The following TAF13 variants were observed in gnomAD, a reference collection of about 807,000 sequenced individuals.
TAF13 encodes the protein transcription initiation factor TFIID subunit 13.
TAF13 carries 9 observed loss-of-function variants against 18.7 expected under a neutral mutation model. The ratio of observed to expected loss-of-function variants is 0.48; its 90% CI spans 0.29 to 0.84. The LOEUF (loss-of-function observed/expected upper bound fraction) is 0.84, where lower values mean the gene tolerates loss of function less well. TAF13 is among the 40% of genes least tolerant of loss of function. The probability of loss-of-function intolerance (pLI) is 0.08; values close to 1 mark genes in which losing one functional copy is unlikely to be tolerated. For synonymous variants in TAF13, 49 were observed against 44.1 expected (o/e 1.11, Z -0.44); for missense variants, 105 against 146.5 (o/e 0.72, Z 1.46).
intron 2 of TAF13, among the ~76,000 whole-genome samples, chr1:109,070,528 G>T (rs1012688990): frequency 6.7e-6 from 1 of 149,562 alleles, no homozygotes; most frequent in East Asian, 2.0e-4. Context: ...TTGAGTAGTG[G>T]AATTATAGGC....
chr1:109,065,014 T>C (rs1663929411), intron 3 of TAF13, among the ~76,000 whole-genome samples: 1 of 152,162 alleles, frequency 6.6e-6, no homozygotes, highest in African/African-American at 2.4e-5. Flanking sequence ...TAATTTTGTG[T>C]ACCCACCCAT....
intron 3 of TAF13, among the ~76,000 whole-genome samples, chr1:109,065,191 C>T (rs1244292308): frequency 6.6e-6 from 1 of 152,092 alleles, no homozygotes; most frequent in Admixed American, 6.6e-5. Flanking sequence ...AAGCTAAATA[C>T]TTAATAATAC....
At chr1:109,067,298 A>G (rs1663967368) in intron 2 of TAF13, among the ~76,000 whole-genome samples, 1 of 152,054 alleles carries the variant, frequency 6.6e-6, no homozygotes, top group African/African-American at 2.4e-5. Flanking sequence ...TCTCTACATA[A>G]AAAACAAAAA....
Position 109,073,943 on chromosome 1 carries a change from C to T in TAF13, c.106+1044G>A, listed in dbSNP as rs1401663890. On this transcript the variant is annotated intron_variant, in intron 2 of 3. Coordinates refer to ENST00000338366, the MANE Select transcript of TAF13 (RefSeq NM_005645.4). ...GAGGAGCACCGCTGCCCGGCCGCCA[C>T]CCCGTCTGGGAGGTGAGGAGCGCCT... Among the ~76,000 whole-genome samples the T allele has an allele frequency of 2.6e-5, 4 of 151,778 alleles. No individual in the cohort carries two copies. In the South Asian group the frequency reaches 8.3e-4, roughly 32 times the overall value.
At chr1:109,065,519 G>C (rs150402237) in intron 3 of TAF13, among the ~76,000 whole-genome samples, 1 of 150,022 alleles carries the variant, frequency 6.7e-6, no homozygotes, top group Admixed American at 6.7e-5. Flanking sequence ...AAAAAATTGC[G>C]TATCTTTAAA....
intron 1 of TAF13, 127 bp from the exon 2 acceptor site, chr1:109,075,192 A>C (rs892377875): frequency 3.1e-5 from 23 of 750,788 alleles, no homozygotes; most frequent in African/African-American, 5.3e-5. Context: ...AAAAAAAAAA[A>C]CCACGAAACC....
At chr1:109,066,729 TTTC>T (rs1330716186) in intron 2 of TAF13, among the ~76,000 whole-genome samples, 1 of 152,104 alleles carries the variant, frequency 6.6e-6, no homozygotes, top group Non-Finnish European at 1.5e-5. Context: ...TTTGTTTGTT[TTTC>T]TTGAGACAGA....
Position 109,064,508 on chromosome 1 carries a change from A to T in TAF13, c.*15T>A. The T allele has an allele frequency of 7.0e-7, 1 of 1,420,054 alleles. No individual in the cohort carries two copies. The highest frequency in any genetic ancestry group is 9.3e-7 in the Non-Finnish European group (1 of 1,078,658). 88.0% of individuals were successfully genotyped at this position (1,420,054 alleles called of 1,614,324 possible). ...GGTTTCCCCAGATGGTAATTTTCGG[A>T]AACTACAAAAAGTGTCAAGATCCAT... On this transcript the variant is annotated 3_prime_UTR_variant, in exon 4 of 4. Coordinates refer to ENST00000338366, the MANE Select transcript of TAF13 (RefSeq NM_005645.4).
intron 2 of TAF13, among the ~76,000 whole-genome samples, chr1:109,073,283 T>A (rs1664106854): frequency 6.6e-6 from 1 of 151,222 alleles, no homozygotes; most frequent in South Asian, 2.1e-4. Context: ...CTCACGCCTG[T>A]AATCCCAGCA....
chr1:109,073,986 C>T (rs1049600872), intron 2 of TAF13, among the ~76,000 whole-genome samples: 1 of 151,908 alleles, frequency 6.6e-6, no homozygotes, highest in Non-Finnish European at 1.5e-5. Flanking sequence ...GCCACGACCC[C>T]GTCTGGGAAC....
chr1:109,071,125 G>A (rs1344556115), intron 2 of TAF13, among the ~76,000 whole-genome samples: 2 of 152,008 alleles, frequency 1.3e-5, no homozygotes, highest in African/African-American at 2.4e-5. Context: ...GGTGAAACTT[G>A]TCTTTACTGA....
intron 2 of TAF13, among the ~76,000 whole-genome samples, chr1:109,070,583 G>A (rs549168025): frequency 2.8e-4 from 43 of 151,738 alleles, no homozygotes; most frequent in Admixed American, 9.2e-4. Context: ...TATTAGAGAC[G>A]GGGTTTCGCC....
At chr1:109,068,880 T>G (rs1021872812) in intron 2 of TAF13, among the ~76,000 whole-genome samples, 1 of 152,164 alleles carries the variant, frequency 6.6e-6, no homozygotes, top group Non-Finnish European at 1.5e-5. Context: ...CACGCACCTG[T>G]AATCCCAGCT....
intron 3 of TAF13, 63 bp from the exon 4 acceptor site, chr1:109,064,756 G>T: frequency 2.3e-6 from 3 of 1,306,786 alleles, no homozygotes; most frequent in South Asian, 2.4e-5. Context: ...GTTTTAATTT[G>T]CATTTATTAA....
At chr1:109,071,910 C>A (rs1357152424) in intron 2 of TAF13, among the ~76,000 whole-genome samples, 3 of 148,264 alleles carry the variant, frequency 2.0e-5, no homozygotes, top group Admixed American at 6.8e-5. Flanking sequence ...CAAGATTGCG[C>A]CATTACACTC....
At chr1:109,064,816 C>A (rs1663925048) in intron 3 of TAF13, 123 bp from the exon 4 acceptor site, 1 of 787,196 alleles carries the variant, frequency 1.3e-6, no homozygotes, top group Non-Finnish European at 1.8e-6. Context: ...TATGGCTATT[C>A]ATTTGTGAAT....
At chr1:109,069,613 C>A (rs542836958) in intron 2 of TAF13, among the ~76,000 whole-genome samples, 1 of 151,532 alleles carries the variant, frequency 6.6e-6, no homozygotes, top group African/African-American at 2.4e-5. Context: ...TTAAGACTTG[C>A]ACAATTTATT....
chr1:109,075,150 A>G, intron 1 of TAF13, 85 bp from the exon 2 acceptor site: 1 of 1,212,798 alleles, frequency 8.2e-7, no homozygotes, highest in Non-Finnish European at 1.2e-6. Flanking sequence ...TTTCCTTTTC[A>G]ACAGATAGGC....
chr1:109,073,251 A>G lies in TAF13; in HGVS notation c.106+1736T>C, dbSNP rs1333941732. On this transcript the variant is annotated intron_variant, in intron 2 of 3. Transcript: ENST00000338366. ...ATTACATTTGCTCACTTAAAAAGCA[A>G]TTTATAGGCCGGGTGCAGTGGCTCA... Among the ~76,000 whole-genome samples the G allele has an allele frequency of 8.6e-5, 13 of 150,340 alleles. No homozygotes were observed. The Admixed American group carries it at 8.6e-4, about 10-fold the overall frequency.
Sources: gnomAD v4.1 joint callset for allele counts (sites outside exome capture counted in the v4.1 genomes callset) on GRCh38, gnomAD v4.1.1 for gene constraint, MANE v1.5 for transcripts, NCBI Gene and HGNC (gene_info 2026-07-23, HGNC 2026-07-21) for gene names.